The following EGLN1 variants were observed in gnomAD, a reference collection of about 807,000 sequenced individuals.
EGLN1 encodes the protein egl-9 family hypoxia inducible factor 1.
EGLN1 carries 17 observed loss-of-function variants against 38.3 expected under a neutral mutation model. The ratio of observed to expected loss-of-function variants is 0.44; its 90% CI spans 0.30 to 0.67. EGLN1 has a LOEUF of 0.67. Ranked by LOEUF, EGLN1 falls within the 30% of genes least tolerant of loss-of-function variation. EGLN1 has a pLI of 0.08. For synonymous variants in EGLN1, 283 were observed against 257.5 expected (o/e 1.10, Z -0.95); for missense variants, 477 against 603.3 (o/e 0.79, Z 2.19).
intron 1 of EGLN1, among the ~76,000 whole-genome samples, chr1:231,418,183 T>C (rs1689133261): frequency 6.6e-6 from 1 of 152,226 alleles, no homozygotes; most frequent in Non-Finnish European, 1.5e-5. Context: ...GTTAACAGTA[T>C]ACTGACAGGC....
intron 1 of EGLN1, among the ~76,000 whole-genome samples, chr1:231,414,007 C>T (rs1005679795): frequency 2.6e-5 from 4 of 151,968 alleles, no homozygotes; most frequent in East Asian, 3.8e-4. Context: ...GTTTTGACTA[C>T]GAAATAAGGC....
intron 1 of EGLN1, among the ~76,000 whole-genome samples, chr1:231,406,862 A>C (rs1248172948): frequency 1.3e-5 from 2 of 152,088 alleles, no homozygotes; most frequent in Non-Finnish European, 2.9e-5. Flanking sequence ...CCTTGGAAAA[A>C]ACTTCTAAGC....
chr1:231,363,797 A>G lies in EGLN1; in HGVS notation c.*2614T>C, dbSNP rs911964538. The G allele has an allele frequency of 2.6e-5, 4 of 152,260 alleles. No homozygotes were observed. Among genetic ancestry groups the G allele is most frequent in the Non-Finnish European group, 5.9e-5 (4 of 68,046 alleles). 9.4% of individuals were successfully genotyped at this position (152,260 alleles called of 1,614,324 possible). On this transcript the variant is annotated 3_prime_UTR_variant, in exon 5 of 5. Coordinates refer to ENST00000366641, the MANE Select transcript of EGLN1 (RefSeq NM_022051.3). ...ACATCTTTTTAATTAGATTAGCTTT[A>G]CAAGCAACTTGAGAGCTCTTTCATA...
intron 1 of EGLN1, among the ~76,000 whole-genome samples, chr1:231,403,666 C>G (rs1688716290): frequency 6.7e-6 from 1 of 148,866 alleles, no homozygotes; most frequent in Non-Finnish European, 1.5e-5. Flanking sequence ...CACTCAGCTA[C>G]TTGGGAGGCT....
At chr1:231,391,215 T>C (rs1185822055) in intron 1 of EGLN1, among the ~76,000 whole-genome samples, 5 of 58,080 alleles carry the variant, frequency 8.6e-5, no homozygotes, top group Non-Finnish European at 2.5e-4. Context: ...CCTCCCCAAG[T>C]CCTGGGATTA....
intron 1 of EGLN1, among the ~76,000 whole-genome samples, chr1:231,416,422 CA>C (rs1240949803): frequency 1.3e-5 from 2 of 149,022 alleles, no homozygotes; most frequent in Non-Finnish European, 3.0e-5. Context: ...GAGTTACATA[CA>C]TACAAAAAAA....
At chr1:231,376,909 G>A (rs1219691017) in intron 1 of EGLN1, among the ~76,000 whole-genome samples, 1 of 152,178 alleles carries the variant, frequency 6.6e-6, no homozygotes, top group Non-Finnish European at 1.5e-5. Flanking sequence ...GCAGGCCAGT[G>A]TGGCTGGAAC....
chr1:231,378,989 G>A (rs1274234106), intron 1 of EGLN1, among the ~76,000 whole-genome samples: 2 of 152,054 alleles, frequency 1.3e-5, no homozygotes, highest in South Asian at 2.1e-4. Context: ...GGATTACCTC[G>A]GTCATTCTTT....
At position 231,374,104 on chromosome 1, in the gene EGLN1, AATAATG is replaced by A. The variant is rs748954220; in HGVS notation, c.892-11_892-6del. 8.5e-5 allele frequency: 137 copies of A among 1,611,420 alleles called. No individual in the cohort carries two copies. The highest frequency in any genetic ancestry group is 1.1e-4 in the Non-Finnish European group (130 of 1,177,812). The stretch of plus-strand genomic sequence containing the variant: ...CGGATAACAAGCAACCATGGCCTGT[AATAATG>A]ATAATAATGATTATTAAAGTCCATG... On this transcript the variant is annotated splice_polypyrimidine_tract_variant and splice_region_variant and intron_variant, in intron 1 of 4. Transcript: ENST00000366641.
At chr1:231,388,415 G>A (rs954205398) in intron 1 of EGLN1, among the ~76,000 whole-genome samples, 3 of 152,122 alleles carry the variant, frequency 2.0e-5, no homozygotes, top group East Asian at 1.9e-4. Flanking sequence ...CTACATCCAG[G>A]CCTCTCTGCC....
At chr1:231,373,899 C>CTT in intron 2 of EGLN1, 81 bp downstream of exon 2, 1 of 1,521,180 alleles carries the variant, frequency 6.6e-7, no homozygotes, top group Non-Finnish European at 9.1e-7. Context: ...CTGTGACAGT[C>CTT]TTATCAGAAG....
intron 1 of EGLN1, among the ~76,000 whole-genome samples, chr1:231,388,250 TAATTA>T (rs1688271416): frequency 6.8e-6 from 1 of 147,366 alleles, no homozygotes; most frequent in East Asian, 2.0e-4. Context: ...CTCACATTTG[TAATTA>T]AATTGAGAGA....
At chr1:231,403,201 A>G (rs957650239) in intron 1 of EGLN1, among the ~76,000 whole-genome samples, 5 of 152,208 alleles carry the variant, frequency 3.3e-5, no homozygotes, top group African/African-American at 1.2e-4. Flanking sequence ...CTTGCAAATA[A>G]CGTATTTTAT....
intron 1 of EGLN1, among the ~76,000 whole-genome samples, chr1:231,390,853 A>ATT (rs5781642): frequency 6.9e-4 from 102 of 148,430 alleles, no homozygotes; most frequent in African/African-American, 2.2e-3. Context: ...ACTATTATTA[A>ATT]TTTTTTTTTT....
intron 1 of EGLN1, among the ~76,000 whole-genome samples, chr1:231,398,053 G>C (rs1159428248): frequency 2.0e-5 from 3 of 152,158 alleles, no homozygotes; most frequent in Middle Eastern, 3.2e-3. Context: ...ACTATTCAGG[G>C]CAAATGCTAT....
chr1:231,419,793 C>T (rs1219513155), intron 1 of EGLN1, among the ~76,000 whole-genome samples: 1 of 152,198 alleles, frequency 6.6e-6, no homozygotes, highest in Non-Finnish European at 1.5e-5. Context: ...AACTTTCTCA[C>T]TGCCTATGTT....
chr1:231,422,026 G>A lies in EGLN1; in HGVS notation c.-138C>T, dbSNP rs1200059221. The A allele has an allele frequency of 1.0e-6, 1 of 981,440 alleles. No individual in the cohort carries two copies. The highest frequency in any genetic ancestry group is 2.9e-5 in the South Asian group (1 of 34,892). The allele number at this position is 981,440 out of a possible 1,614,324, so 60.8% of individuals were successfully genotyped here. On this transcript the variant is annotated 5_prime_UTR_variant, in exon 1 of 5. Coordinates refer to ENST00000366641, the MANE Select transcript of EGLN1 (RefSeq NM_022051.3). ...CCATGCACCCGCTACCCTCGCCTCA[G>A]GGAGGCCGGCACCCCACGCCCTCGG... is the stretch of plus-strand genomic sequence containing the variant.
rs554607176 is a variant in EGLN1 at position 231,406,829 on chromosome 1, T to G, written c.891+14169A>C. Among the ~76,000 whole-genome samples, 3 of 152,182 alleles carry G rather than the reference T, an allele frequency of 2.0e-5. No individual in the cohort carries two copies. In the South Asian group the frequency reaches 6.2e-4, roughly 32 times the overall value. The stretch of plus-strand genomic sequence containing the variant: ...GGGGTCCAGCAGCAAAACAAAGTTG[T>G]GAGACGCTAGCTTATATGACCGCCT... On this transcript the variant is annotated intron_variant, in intron 1 of 4. Transcript: ENST00000366641.
Position 231,421,445 on chromosome 1 carries a change from C to T in EGLN1, c.444G>A (p.Glu148=), listed in dbSNP as rs1483750593. The T allele has an allele frequency of 6.6e-7, 1 of 1,513,754 alleles. No individual in the cohort carries two copies. Among genetic ancestry groups the T allele is most frequent in the Admixed American group, 2.1e-5 (1 of 47,134 alleles). The allele number at this position is 1,513,754 out of a possible 1,614,324, so 93.8% of individuals were successfully genotyped here. A position where few individuals can be genotyped will look rare whatever the true frequency, so the allele number is the denominator to read the frequency against. ...VAAEAEPGKE[E]PPARSSLFQE... is the part of the protein sequence containing the mutation. ...GGAACAGCGATGAGCGGGCCGGCGG[C>T]TCCTCCTTGCCGGGCTCGGCTTCGG... Residue 148 remains glutamate, a synonymous_variant, in exon 1 of 5, where the codon GAG becomes GAA. Coordinates refer to ENST00000366641, the MANE Select transcript of EGLN1 (RefSeq NM_022051.3). This position sits in a 1 kb window ranked among gnomAD's most constrained non-coding sequence, Gnocchi z 5.5.
Sources: allele counts gnomAD v4.1 joint callset (sites outside exome capture counted in the v4.1 genomes callset), GRCh38; gene constraint gnomAD v4.1.1; non-coding constraint Gnocchi (gnomAD v3.1); transcripts MANE v1.5; gene names NCBI Gene and HGNC (gene_info 2026-07-23, HGNC 2026-07-21).